Variants in FSIP2 observed in about 807,000 individuals in gnomAD.
The protein encoded by FSIP2 is fibrous sheath-interacting protein 2.
Under a neutral mutation model 510.5 loss-of-function variants are expected in FSIP2, and 367 were observed. The observed-to-expected ratio is 0.72, with a 90% CI of 0.66 to 0.78. The LOEUF is 0.78. Among genes scored for constraint, FSIP2 ranks in the 30% least tolerant of loss-of-function variants. The probability of loss-of-function intolerance (pLI) is 0.00; values close to 1 mark genes in which losing one functional copy is unlikely to be tolerated. For missense variants in FSIP2, 7,594 were observed against 7,901.7 expected (o/e 0.96, Z 1.48); for synonymous variants, 2,601 against 2,732.2 (o/e 0.95, Z 1.50).
Position 185,804,087 on chromosome 2 carries a change from T to A in FSIP2, c.14781T>A (p.Tyr4927Ter). Residue 4927 changes from tyrosine (Y) to a stop codon, truncating the protein, a stop_gained, in exon 17 of 23, where the codon TAT (tyrosine) becomes TAA (stop). Coordinates refer to ENST00000424728, the MANE Select transcript of FSIP2 (RefSeq NM_173651.4). LOFTEE classifies it high-confidence loss of function. ...TLLLAAVDQT[Y>*]KLKAIDPKQR... ...TTTTGGCAGCAGTTGATCAAACTTA[T>A]AAATTGAAAGCAATAGATCCTAAAC... 1 of 1,527,996 alleles carries A rather than the reference T, an allele frequency of 6.5e-7. No individual in the cohort carries two copies. The highest frequency in any genetic ancestry group is 8.8e-7 in the Non-Finnish European group (1 of 1,142,372). The allele number at this position is 1,527,996 out of a possible 1,614,324, so 94.7% of individuals were successfully genotyped here. A position where few individuals can be genotyped will look rare whatever the true frequency, so the allele number is the denominator to read the frequency against.
At chr2:185,779,927 G>GTT (rs760154503) in intron 13 of FSIP2, among the ~76,000 whole-genome samples, 4 of 143,928 alleles carry the variant, frequency 2.8e-5, no homozygotes, top group Non-Finnish European at 6.1e-5. Context: ...TCAGGGGACA[G>GTT]TTTTTTTTTT....
chr2:185,756,149 A>C, intron 8 of FSIP2, 43 bp from the exon 9 acceptor site: 1 of 784,240 alleles, frequency 1.3e-6, no homozygotes, highest in Non-Finnish European at 2.0e-6. Flanking sequence ...TAATTCTGTC[A>C]TCATCATAAG....
At chr2:185,781,237 C>G (rs1456849590) in intron 13 of FSIP2, among the ~76,000 whole-genome samples, 2 of 152,128 alleles carry the variant, frequency 1.3e-5, no homozygotes, top group Admixed American at 1.3e-4. Context: ...TTCCGTTTTT[C>G]ACTTTCAGTA....
In FSIP2 at chr2:185,756,214, G is replaced by A. The variant is rs1385884869; in HGVS notation, c.1014G>A (p.Lys338=). ...GTHASPKNKK[K]TSEDIMLVYP... is the part of the protein sequence containing the mutation. ...AAGCTTCTCCAAAGAATAAAAAGAA[G>A]ACTTCTGAAGATATAATGTTAGTTT... The change falls in exon 9 of 23, where the codon AAG becomes AAA. Residue 338 remains lysine (K), a synonymous_variant. Coordinates refer to ENST00000424728, the MANE Select transcript of FSIP2 (RefSeq NM_173651.4). 4.6e-6 allele frequency: 6 copies of A among 1,303,046 alleles called. No homozygotes were observed. The East Asian group carries it at 1.5e-4, about 33-fold the overall frequency. 80.7% of individuals were successfully genotyped at this position (1,303,046 alleles called of 1,614,324 possible). A position where few individuals can be genotyped will look rare whatever the true frequency, so the allele number is the denominator to read the frequency against.
Position 185,804,800 on chromosome 2 carries a change from T to C in FSIP2, c.15494T>C (p.Ile5165Thr), listed in dbSNP as rs1693522954. The C allele has an allele frequency of 6.5e-7, 1 of 1,532,822 alleles. No individual in the cohort carries two copies. The highest frequency in any genetic ancestry group is 8.7e-7 in the Non-Finnish European group (1 of 1,144,822). The allele number at this position is 1,532,822 out of a possible 1,614,324, so 95.0% of individuals were successfully genotyped here. ...TTGACTGATGAAATTATAAAAGAAA[T>C]TTCTGAACATGAGATTCGACTTTCC... ...SKLTDEIIKE[I>T]SEHEIRLSMA... Residue 5165 changes from isoleucine to threonine, a missense_variant, in exon 17 of 23, where the codon ATT (isoleucine) becomes ACT (threonine). By Grantham distance (89) the Ile-to-Thr change is moderately conservative (BLOSUM62 -1). Coordinates refer to ENST00000424728, the MANE Select transcript of FSIP2 (RefSeq NM_173651.4).
intron 2 of FSIP2, among the ~76,000 whole-genome samples, chr2:185,740,932 C>G (rs1691910556): frequency 1.4e-5 from 2 of 147,730 alleles, no homozygotes; most frequent in Admixed American, 1.4e-4. Flanking sequence ...AACATGATTT[C>G]TTAAAACAAG....
chr2:185,794,065 A>T lies in FSIP2; in HGVS notation c.6929A>T (p.Asn2310Ile). The change falls in exon 16 of 23, where the codon AAT becomes ATT. Residue 2310 changes from asparagine (N) to isoleucine (I), a missense_variant. By Grantham distance (149) the Asn-to-Ile change is moderately radical. Transcript: ENST00000424728. ...YDSSQVESDV[N>I]VLKISATETI... ...TCAAGCCAAGTGGAATCAGATGTAAATGTCCTGAAAATATCAGCAACTGAA... is the reference window on the plus strand; with the variant it reads ...TCAAGCCAAGTGGAATCAGATGTAATTGTCCTGAAAATATCAGCAACTGAA... 1.3e-6 allele frequency: 2 copies of T among 1,531,924 alleles called. No individual in the cohort carries two copies. The highest frequency in any genetic ancestry group is 1.7e-6 in the Non-Finnish European group (2 of 1,144,126). The allele number at this position is 1,531,924 out of a possible 1,614,324, so 94.9% of individuals were successfully genotyped here.
intron 14 of FSIP2, among the ~76,000 whole-genome samples, chr2:185,785,836 T>G (rs1205508575): frequency 1.3e-5 from 2 of 151,852 alleles, no homozygotes. Flanking sequence ...TTTGAACGAG[T>G]AAATAAAGGA....
In FSIP2 at chr2:185,794,917, G is replaced by T. The variant is rs1348424356; in HGVS notation, c.7781G>T (p.Ser2594Ile). The change falls in exon 16 of 23, where the codon AGT (serine) becomes ATT (isoleucine). Residue 2594 changes from serine (S) to isoleucine (I), a missense_variant. Coordinates refer to ENST00000424728, the MANE Select transcript of FSIP2 (RefSeq NM_173651.4). ...FRETKQAGKI[S>I]NSPRYAISQA... Reference sequence around the variant, plus strand: ...GAAACTAAACAAGCAGGAAAAATAAGTAATTCCCCTAGATATGCGATATCA... The same window carrying T: ...GAAACTAAACAAGCAGGAAAAATAATTAATTCCCCTAGATATGCGATATCA... 1 of 1,534,274 alleles carries T rather than the reference G, an allele frequency of 6.5e-7. No homozygotes were observed. Among genetic ancestry groups the T allele is most frequent in the South Asian group, 1.2e-5 (1 of 84,000 alleles).
At chr2:185,738,684 T>C (rs1258778964), upstream of FSIP2, 11 of 1,536,092 alleles carry the variant, frequency 7.2e-6, no homozygotes, top group Admixed American at 2.0e-5. Context: ...TTTTCCCAGC[T>C]CTGCGGGCGC....
chr2:185,769,471 T>G (rs1692564237), intron 13 of FSIP2, among the ~76,000 whole-genome samples: 1 of 152,190 alleles, frequency 6.6e-6, no homozygotes, highest in South Asian at 2.1e-4. Flanking sequence ...CTCTTTTTAA[T>G]GGAATTTTTT....
rs1693978411 is a variant in FSIP2 at position 185,824,444 on chromosome 2, G to T, written c.20437G>T (p.Asp6813Tyr). ...DLISSTGEAE[D>Y]CHSDPSAKIL... ...TTTCTTTTGTTTTAGTGAGGCTGAA[G>T]ATTGTCACTCAGACCCAAGTGCTAA... Residue 6813 changes from aspartate (D) to tyrosine (Y), a missense_variant, in exon 20 of 23, where the codon GAT (aspartate) becomes TAT (tyrosine). By Grantham distance (160) the Asp-to-Tyr change is radical. Transcript: ENST00000424728. 1.3e-6 allele frequency: 2 copies of T among 1,592,346 alleles called. No homozygotes were observed. Among genetic ancestry groups the T allele is most frequent in the Middle Eastern group, 1.7e-4 (1 of 6,018 alleles).
intron 17 of FSIP2, among the ~76,000 whole-genome samples, chr2:185,811,022 G>A (rs930820199): frequency 2.0e-5 from 3 of 151,950 alleles, no homozygotes; most frequent in African/African-American, 7.2e-5. Flanking sequence ...TAGGATAGCT[G>A]GCAGAAGAAA....
intron 7 of FSIP2, among the ~76,000 whole-genome samples, chr2:185,751,884 A>T (rs566609914): frequency 8.6e-5 from 13 of 151,198 alleles, no homozygotes; most frequent in African/African-American, 2.9e-4. Context: ...CCTTTATGCT[A>T]TTTTGGTCAT....
intron 13 of FSIP2, among the ~76,000 whole-genome samples, chr2:185,773,622 G>A (rs576090452): frequency 6.6e-6 from 1 of 152,168 alleles, no homozygotes; most frequent in East Asian, 1.9e-4. Flanking sequence ...AATCACACCA[G>A]TAAGTTTTTA....
chr2:185,812,644 G>A lies in FSIP2; in HGVS notation c.19828-901G>A, dbSNP rs190323237. Among the ~76,000 whole-genome samples the A allele has an allele frequency of 2.0e-5, 3 of 152,122 alleles. No homozygotes were observed. In the East Asian group the frequency reaches 5.8e-4, roughly 30 times the overall value. ...TAGATTCTTAACACACTAGACATATGCATACTAAAACCACTGGTAGTAACA... is the reference window on the plus strand; with the variant it reads ...TAGATTCTTAACACACTAGACATATACATACTAAAACCACTGGTAGTAACA... On this transcript the variant is annotated intron_variant, in intron 17 of 22. Transcript: ENST00000424728.
Position 185,738,882 on chromosome 2 carries a change from G to GA in FSIP2, c.-13_-12insA. 6.5e-7 allele frequency: 1 copy of GA among 1,535,534 alleles called. No homozygotes were observed. The highest frequency in any genetic ancestry group is 8.7e-7 in the Non-Finnish European group (1 of 1,146,746). On this transcript the variant is annotated 5_prime_UTR_variant, in exon 1 of 23. Coordinates refer to ENST00000424728, the MANE Select transcript of FSIP2 (RefSeq NM_173651.4). ...GGGCGGGTGAGGAAGGGGCTGAGGG[G>GA]GCTGTGCCGGCCATGGAGCTGTACC...
upstream of FSIP2, among the ~76,000 whole-genome samples, chr2:185,737,241 T>C (rs1372601120): frequency 6.6e-6 from 1 of 152,194 alleles, no homozygotes; most frequent in Non-Finnish European, 1.5e-5. Flanking sequence ...TTTGTGGTAA[T>C]TTAAGCCACT....
chr2:185,739,236 C>A, intron 1 of FSIP2, 110 bp from the exon 2 acceptor site: 1 of 1,266,758 alleles, frequency 7.9e-7, no homozygotes, highest in Non-Finnish European at 1.1e-6. Flanking sequence ...TGCCCCGAAC[C>A]CTGATTGTAT....
Sources: gnomAD v4.1 joint callset for allele counts (sites outside exome capture counted in the v4.1 genomes callset) on GRCh38, gnomAD v4.1.1 for gene constraint, MANE v1.5 for transcripts, NCBI Gene and HGNC (gene_info 2026-07-23, HGNC 2026-07-21) for gene names.